PACRG: variants seen among roughly 807,000 people sequenced by gnomAD.
The protein encoded by PACRG is parkin coregulated.
Under a neutral mutation model 29.7 loss-of-function variants are expected in PACRG, and 29 were observed. That is an observed-to-expected ratio of 0.98 (90% CI 0.73 to 1.33). PACRG has a LOEUF of 1.33. Ranked by LOEUF, PACRG falls within the 40% of genes most tolerant of loss-of-function variation. The pLI is 0.00. For missense variants in PACRG, 279 were observed against 316.2 expected (o/e 0.88, Z 0.89); for synonymous variants, 116 against 118.7 (o/e 0.98, Z 0.15).
intron 3 of PACRG, among the ~76,000 whole-genome samples, chr6:163,078,486 T>C (rs1470317840): frequency 2.0e-5 from 3 of 146,522 alleles, no homozygotes; most frequent in African/African-American, 7.5e-5. Context: ...AAGAGCAAAA[T>C]TTAGTCTCAA....
chr6:162,892,397 T>A (rs1232122114), intron 2 of PACRG, among the ~76,000 whole-genome samples: 1 of 152,156 alleles, frequency 6.6e-6, no homozygotes, highest in Admixed American at 6.5e-5. Flanking sequence ...AAAGGGACCA[T>A]CTTCTCTTGG....
rs1810167447 is a variant in PACRG at position 163,052,900 on chromosome 6, TAA to T, written c.292-9246_292-9245del. ...CACATAGTAGGTACTATGTGATCTT[TAA>T]AAAGTTATAAAACATGAATTTTAAA... On this transcript the variant is annotated intron_variant, in intron 2 of 4. Coordinates refer to ENST00000366888, the MANE Select transcript of PACRG (RefSeq NM_001080379.2). Among the ~76,000 whole-genome samples, 3 of 152,140 alleles carry T rather than the reference TAA, an allele frequency of 2.0e-5. No homozygotes were observed. In the South Asian group the frequency reaches 6.2e-4, roughly 31 times the overall value.
intron 2 of PACRG, among the ~76,000 whole-genome samples, chr6:162,942,073 A>T (rs981759730): frequency 9.2e-5 from 14 of 152,220 alleles, no homozygotes; most frequent in African/African-American, 3.4e-4. Flanking sequence ...ACCTTTGCAG[A>T]ACCAAAATTG....
chr6:163,262,357 C>A (rs74508904), intron 4 of PACRG, among the ~76,000 whole-genome samples: 523 of 152,282 alleles, frequency 3.4e-3, no homozygotes, highest in African/African-American at 0.012. Flanking sequence ...CTCTGCCTAC[C>A]TCATCGGGTC....
chr6:163,098,325 T>C (rs774079380), intron 4 of PACRG, among the ~76,000 whole-genome samples: 1 of 152,192 alleles, frequency 6.6e-6, no homozygotes, highest in Non-Finnish European at 1.5e-5. Flanking sequence ...CGAGACACCC[T>C]ACTGCCATTC....
chr6:162,829,210 C>G (rs1427521095), intron 2 of PACRG, among the ~76,000 whole-genome samples: 3 of 152,308 alleles, frequency 2.0e-5, no homozygotes, highest in African/African-American at 7.2e-5. Context: ...AGTGTCATAT[C>G]TAGATTGTCT....
chr6:163,223,132 G>A (rs1781653127), intron 4 of PACRG, among the ~76,000 whole-genome samples: 1 of 152,160 alleles, frequency 6.6e-6, no homozygotes, highest in Non-Finnish European at 1.5e-5. Flanking sequence ...GATGGCTCGT[G>A]CCTGTAATAC....
chr6:163,149,334 C>T (rs796230991), intron 4 of PACRG, among the ~76,000 whole-genome samples: 17 of 152,270 alleles, frequency 1.1e-4, no homozygotes, highest in African/African-American at 4.1e-4. Flanking sequence ...TTCCATCCTC[C>T]CCAGCGCACT....
At chr6:162,845,711 A>C (rs1053454317) in intron 2 of PACRG, among the ~76,000 whole-genome samples, 1 of 152,178 alleles carries the variant, frequency 6.6e-6, no homozygotes, top group East Asian at 1.9e-4. Context: ...TGATCTGCTT[A>C]GCTTCATTAA....
chr6:163,188,958 T>A (rs1040017022), intron 4 of PACRG, among the ~76,000 whole-genome samples: 1 of 152,222 alleles, frequency 6.6e-6, no homozygotes, highest in Admixed American at 6.5e-5. Flanking sequence ...TACATTTGGA[T>A]CCATCTTGTA....
chr6:163,237,439 T>C (rs1782293744), intron 4 of PACRG, among the ~76,000 whole-genome samples: 1 of 152,248 alleles, frequency 6.6e-6, no homozygotes, highest in African/African-American at 2.4e-5. Context: ...ACATAGCTAA[T>C]TTGACTAGAT....
At chr6:162,753,540 T>C (rs1781675517) in intron 1 of PACRG, among the ~76,000 whole-genome samples, 1 of 152,186 alleles carries the variant, frequency 6.6e-6, no homozygotes, top group Non-Finnish European at 1.5e-5. Context: ...TTGACTATTG[T>C]GAATGATATG....
intron 4 of PACRG, among the ~76,000 whole-genome samples, chr6:163,206,908 T>A (rs1780927199): frequency 6.6e-6 from 1 of 152,188 alleles, no homozygotes. Flanking sequence ...GTGCTAATAT[T>A]TGCTTTCCTT....
chr6:162,781,694 G>T (rs1231117719), intron 1 of PACRG, among the ~76,000 whole-genome samples: 1 of 93,960 alleles, frequency 1.1e-5, no homozygotes, highest in Non-Finnish European at 2.0e-5. Context: ...ACTATCACTT[G>T]AAAGTAGACA....
chr6:162,903,111 G>A (rs1584711349), intron 2 of PACRG, among the ~76,000 whole-genome samples: 2 of 152,080 alleles, frequency 1.3e-5, no homozygotes, highest in East Asian at 3.9e-4. Context: ...GGTTAGCTAG[G>A]TCCTGATAAA....
intron 2 of PACRG, among the ~76,000 whole-genome samples, chr6:162,977,112 A>G (rs1186903155): frequency 6.6e-6 from 1 of 152,020 alleles, no homozygotes; most frequent in Non-Finnish European, 1.5e-5. Context: ...TATTATATAA[A>G]TATTTAAAAT....
chr6:162,810,028 C>T (rs1786704282), intron 1 of PACRG, among the ~76,000 whole-genome samples: 1 of 152,112 alleles, frequency 6.6e-6, no homozygotes, highest in Non-Finnish European at 1.5e-5. Context: ...AATTTCACCA[C>T]TGCCCAGGGT....
At chr6:162,948,340 T>C (rs1394141895) in intron 2 of PACRG, among the ~76,000 whole-genome samples, 1 of 152,094 alleles carries the variant, frequency 6.6e-6, no homozygotes, top group Non-Finnish European at 1.5e-5. Context: ...TGGATCCGTG[T>C]TCAGAAGAAC....
At chr6:162,743,631 C>A (rs1466498263) in intron 1 of PACRG, among the ~76,000 whole-genome samples, 2 of 151,602 alleles carry the variant, frequency 1.3e-5, no homozygotes, top group Non-Finnish European at 2.9e-5. Context: ...ATATTTTTTT[C>A]TTTTGCTTTC....
Sources: allele counts gnomAD v4.1 joint callset (sites outside exome capture counted in the v4.1 genomes callset), GRCh38; gene constraint gnomAD v4.1.1; transcripts MANE v1.5; gene names NCBI Gene and HGNC (gene_info 2026-07-23, HGNC 2026-07-21).